Variants in LRP1B observed in about 807,000 individuals in gnomAD.
LRP1B encodes the protein low-density lipoprotein receptor-related protein 1B.
LRP1B carries 217 observed loss-of-function variants against 556.6 expected under a neutral mutation model. The ratio of observed to expected loss-of-function variants is 0.39; its 90% CI spans 0.35 to 0.44. The LOEUF (loss-of-function observed/expected upper bound fraction) is 0.44. Among genes scored for constraint, LRP1B ranks in the 20% least tolerant of loss-of-function variants. LRP1B has a pLI of 1.00. For missense variants in LRP1B, 5,053 were observed against 5,620.8 expected (o/e 0.90, Z 3.23); for synonymous variants, 2,047 against 1,865.8 (o/e 1.10, Z -2.50).
intron 41 of LRP1B, among the ~76,000 whole-genome samples, chr2:140,632,183 C>A (rs1177874144): frequency 2.6e-5 from 4 of 151,984 alleles, no homozygotes; most frequent in African/African-American, 9.7e-5. Context: ...TGATACAAGT[C>A]AAAACTCAGA....
chr2:141,488,156 T>G (rs1181539950), intron 2 of LRP1B, among the ~76,000 whole-genome samples: 1 of 148,438 alleles, frequency 6.7e-6, no homozygotes, highest in Non-Finnish European at 1.5e-5. Flanking sequence ...ATATATCTCT[T>G]GAGGCCCAAG....
chr2:141,872,996 T>C (rs1553477369), intron 1 of LRP1B, among the ~76,000 whole-genome samples: 1 of 152,058 alleles, frequency 6.6e-6, no homozygotes, highest in Non-Finnish European at 1.5e-5. Context: ...AAAAATGTTT[T>C]ATATGTTCAA....
rs1574555369 is a variant in LRP1B at position 141,979,592 on chromosome 2, A to T, written c.82+151056T>A. Among the ~76,000 whole-genome samples the T allele has an allele frequency of 2.0e-5, 3 of 151,872 alleles. No homozygotes were observed. The East Asian group carries it at 5.8e-4, about 29-fold the overall frequency. On this transcript the variant is annotated intron_variant, in intron 1 of 90. Coordinates refer to ENST00000389484, the MANE Select transcript of LRP1B (RefSeq NM_018557.3). ...CTACTTGTCTTCATATTTACATTCAACCTTCTTTTCAGTTATCTTGCCGTC... is the reference window on the plus strand; with the variant it reads ...CTACTTGTCTTCATATTTACATTCATCCTTCTTTTCAGTTATCTTGCCGTC...
intron 1 of LRP1B, among the ~76,000 whole-genome samples, chr2:142,122,233 GA>G (rs547734449): frequency 2.6e-5 from 4 of 152,056 alleles, no homozygotes; most frequent in Non-Finnish European, 5.9e-5. Flanking sequence ...AATAGCAAAG[GA>G]AGTCAAAATG....
At chr2:141,298,614 C>T (rs1402782128) in intron 3 of LRP1B, among the ~76,000 whole-genome samples, 1 of 152,090 alleles carries the variant, frequency 6.6e-6, no homozygotes, top group African/African-American at 2.4e-5. Flanking sequence ...CATTCCTGTG[C>T]ATCTTTTCCT....
intron 3 of LRP1B, among the ~76,000 whole-genome samples, chr2:141,403,175 C>A (rs1400168818): frequency 6.6e-6 from 1 of 151,982 alleles, no homozygotes; most frequent in Non-Finnish European, 1.5e-5. Context: ...GCTACTGTCA[C>A]CTATGTAGTT....
At chr2:142,051,483 T>A (rs968030316) in intron 1 of LRP1B, among the ~76,000 whole-genome samples, 1 of 151,362 alleles carries the variant, frequency 6.6e-6, no homozygotes, top group Non-Finnish European at 1.5e-5. Flanking sequence ...TTTTTTGTTT[T>A]TTTTTTGTTT....
At chr2:141,668,087 T>G (rs1258931645) in intron 2 of LRP1B, among the ~76,000 whole-genome samples, 1 of 152,182 alleles carries the variant, frequency 6.6e-6, no homozygotes, top group African/African-American at 2.4e-5. Context: ...GCAATCAGAC[T>G]CAAAGGCTCT....
At chr2:141,049,586 G>A (rs954042341) in intron 10 of LRP1B, among the ~76,000 whole-genome samples, 3 of 151,826 alleles carry the variant, frequency 2.0e-5, no homozygotes, top group Admixed American at 6.6e-5. Flanking sequence ...ATTTTCTGTC[G>A]ATACTAACTG....
At position 141,048,560 on chromosome 2, in the gene LRP1B, T is replaced by C. The variant is rs191277752; in HGVS notation, c.1789+426A>G. 2.0e-3 allele frequency among the ~76,000 whole-genome samples: 302 copies of C among 152,192 alleles called. 1 individual carries two copies. The highest frequency in any genetic ancestry group is 6.9e-3 in the African/African-American group (286 of 41,572). ...TAAAGTAAAAAATAAAATGCAAGAA[T>C]TGTGATGACAATGTGGACATTGATA... On this transcript the variant is annotated intron_variant, in intron 11 of 90. Coordinates refer to ENST00000389484, the MANE Select transcript of LRP1B (RefSeq NM_018557.3).
intron 21 of LRP1B, among the ~76,000 whole-genome samples, chr2:140,919,346 T>A (rs1313933663): frequency 1.3e-5 from 2 of 151,464 alleles, no homozygotes; most frequent in Non-Finnish European, 2.9e-5. Context: ...AATATTGGAT[T>A]TTATCAGATT....
chr2:141,128,835 C>A (rs1183259898), intron 7 of LRP1B, among the ~76,000 whole-genome samples: 3 of 152,084 alleles, frequency 2.0e-5, no homozygotes, highest in Non-Finnish European at 2.9e-5. Context: ...ATTTGAAGAA[C>A]AAAATGTATT....
At chr2:141,939,022 A>C (rs1415471283) in intron 1 of LRP1B, among the ~76,000 whole-genome samples, 1 of 152,030 alleles carries the variant, frequency 6.6e-6, no homozygotes, top group African/African-American at 2.4e-5. Context: ...GATGTTGGTC[A>C]AAAGTAGGAA....
intron 3 of LRP1B, among the ~76,000 whole-genome samples, chr2:141,330,485 C>T (rs757405994): frequency 3.9e-5 from 6 of 152,060 alleles, no homozygotes; most frequent in Admixed American, 2.6e-4. Flanking sequence ...AGACATATTG[C>T]GTGTTAAAAT....
intron 31 of LRP1B, among the ~76,000 whole-genome samples, chr2:140,837,850 G>A (rs1359097369): frequency 6.6e-6 from 1 of 152,108 alleles, no homozygotes; most frequent in Non-Finnish European, 1.5e-5. Context: ...GCTAAATGAT[G>A]AGTTACTGGG....
chr2:141,017,058 A>G (rs890722815), intron 12 of LRP1B, among the ~76,000 whole-genome samples: 4 of 152,094 alleles, frequency 2.6e-5, no homozygotes, highest in African/African-American at 9.7e-5. Context: ...TGCCCTTTTT[A>G]GACCCAAGGA....
chr2:141,837,251 T>C (rs1328715857), intron 1 of LRP1B, among the ~76,000 whole-genome samples: 1 of 151,908 alleles, frequency 6.6e-6, no homozygotes, highest in African/African-American at 2.4e-5. Flanking sequence ...ATCAAAGGGG[T>C]TTTTATAAAA....
chr2:141,737,947 A>G (rs1037099477), intron 2 of LRP1B, among the ~76,000 whole-genome samples: 4 of 152,114 alleles, frequency 2.6e-5, no homozygotes, highest in African/African-American at 4.8e-5. Flanking sequence ...ATATATCTGA[A>G]CTAGCCACGT....
At chr2:141,237,398 G>T (rs1366132917) in intron 5 of LRP1B, among the ~76,000 whole-genome samples, 1 of 149,060 alleles carries the variant, frequency 6.7e-6, no homozygotes, top group African/African-American at 2.5e-5. Flanking sequence ...TAGAGACGGG[G>T]TCTCACTATG....
Sources: gnomAD v4.1 joint callset for allele counts (sites outside exome capture counted in the v4.1 genomes callset) on GRCh38, gnomAD v4.1.1 for gene constraint, MANE v1.5 for transcripts, NCBI Gene and HGNC (gene_info 2026-07-23, HGNC 2026-07-21) for gene names.